The following RNF187 variants were observed in gnomAD, a reference collection of about 807,000 sequenced individuals.
The protein encoded by RNF187 is E3 ubiquitin-protein ligase RNF187.
RNF187 carries 18 observed loss-of-function variants against 22.2 expected under a neutral mutation model. That is an observed-to-expected ratio of 0.81 (90% CI 0.56 to 1.20). The LOEUF is 1.20. Ranked by LOEUF, RNF187 falls within the 50% of genes most tolerant of loss-of-function variation. The pLI is 0.00. For missense variants in RNF187, 329 were observed against 317.6 expected (o/e 1.04, Z -0.27); for synonymous variants, 164 against 140.9 (o/e 1.16, Z -1.16).
At chr1:228,489,247 C>T in intron 2 of RNF187, among the ~76,000 whole-genome samples, 195 bp downstream of exon 2, 1 of 152,158 alleles carries the variant, frequency 6.6e-6, no homozygotes, top group African/African-American at 2.4e-5. Flanking sequence ...TAGAATCTAG[C>T]CAAAGCCAGT....
In RNF187 at chr1:228,495,810, G is replaced by A; in HGVS notation, c.*1925G>A. On this transcript the variant is annotated 3_prime_UTR_variant, in exon 4 of 4. Transcript: ENST00000305943. The stretch of plus-strand genomic sequence containing the variant: ...GTACATTGTGGAGTGACAGATTAAT[G>A]TATCCATCTCATGTTTTTTTTGGTG... The A allele has an allele frequency of 2.2e-6, 2 of 909,024 alleles. No homozygotes were observed. The highest frequency in any genetic ancestry group is 2.6e-6 in the Non-Finnish European group (2 of 760,698). 56.3% of individuals were successfully genotyped at this position (909,024 alleles called of 1,614,324 possible).
Position 228,493,093 on chromosome 1 carries a change from A to G in RNF187, c.524A>G (p.Tyr175Cys), listed in dbSNP as rs774781273. 6.4e-7 allele frequency: 1 copy of G among 1,551,616 alleles called. No individual in the cohort carries two copies. The highest frequency in any genetic ancestry group is 1.2e-5 in the South Asian group (1 of 84,058). ...CGTAGGAAGAAGGCACTGACCGACT[A>G]CAAGAAGCTGCGGGCCTTCTTTGTG... The change falls in exon 3 of 4, where the codon TAC (tyrosine) becomes TGC (cysteine). Residue 175 changes from tyrosine (Y) to cysteine (C), a missense_variant. Transcript: ENST00000305943. This position sits in a 1 kb window ranked among gnomAD's most constrained non-coding sequence, Gnocchi z 4.7.
chr1:228,488,872 G>T, intron 1 of RNF187, 88 bp from the exon 2 acceptor site: 2 of 1,041,092 alleles, frequency 1.9e-6, no homozygotes, highest in Non-Finnish European at 1.4e-6. Context: ...ACTGTGTGCA[G>T]TCAGCTGGGG....
chr1:228,494,809 CAGT>C lies in RNF187; in HGVS notation c.*925_*927del. On this transcript the variant is annotated 3_prime_UTR_variant, in exon 4 of 4. Coordinates refer to ENST00000305943, the MANE Select transcript of RNF187 (RefSeq NM_001010858.3). ...GCAAAGTCGGGGACATAGATGCAGACAGTTGTTGAGATTTGGGGATAGCCGGGC... is the reference window on the plus strand; with the variant it reads ...GCAAAGTCGGGGACATAGATGCAGACTGTTGAGATTTGGGGATAGCCGGGC... 1.0e-6 allele frequency: 1 copy of C among 985,466 alleles called. No individual in the cohort carries two copies. The highest frequency in any genetic ancestry group is 4.7e-5 in the South Asian group (1 of 21,290). The allele number at this position is 985,466 out of a possible 1,614,324, so 61.0% of individuals were successfully genotyped here. A position where few individuals can be genotyped will look rare whatever the true frequency, so the allele number is the denominator to read the frequency against.
chr1:228,495,091 G>C lies in RNF187; in HGVS notation c.*1206G>C. Reference sequence around the variant, plus strand: ...AGCATGGTGAGGAGGACTTTGATTGGGACCATTGAGATGGGTGTGGGACCC... The same window carrying C: ...AGCATGGTGAGGAGGACTTTGATTGCGACCATTGAGATGGGTGTGGGACCC... On this transcript the variant is annotated 3_prime_UTR_variant, in exon 4 of 4. Coordinates refer to ENST00000305943, the MANE Select transcript of RNF187 (RefSeq NM_001010858.3). The C allele has an allele frequency of 2.1e-6, 2 of 945,046 alleles. No individual in the cohort carries two copies. The highest frequency in any genetic ancestry group is 2.5e-6 in the Non-Finnish European group (2 of 793,094). 58.5% of individuals were successfully genotyped at this position (945,046 alleles called of 1,614,324 possible).
chr1:228,494,326 A>G lies in RNF187; in HGVS notation c.*441A>G. 9.3e-7 allele frequency: 1 copy of G among 1,075,246 alleles called. No homozygotes were observed. The highest frequency in any genetic ancestry group is 1.1e-6 in the Non-Finnish European group (1 of 881,854). The allele number at this position is 1,075,246 out of a possible 1,614,324, so 66.6% of individuals were successfully genotyped here. On this transcript the variant is annotated 3_prime_UTR_variant, in exon 4 of 4. Transcript: ENST00000305943. ...TTGGGGTTAGCATCCAGAAAGAAGA[A>G]TGCGCATGACGCTCTGTGAAGGCTG...
At position 228,487,870 on chromosome 1, in the gene RNF187, C is replaced by T; in HGVS notation, c.382C>T (p.Arg128Cys). ...GGAACCGCGCTGGAGGAAGGCGCTG[C>T]GCGGCAAGGTGCGCGCCGCGGGGTC... is the stretch of plus-strand genomic sequence containing the variant. The change falls in exon 1 of 4, where the codon CGC becomes TGC. Residue 128 changes from arginine (R) to cysteine (C), a missense_variant. Arg to Cys is a radical substitution (Grantham distance 180, BLOSUM62 -3). Transcript: ENST00000305943. The T allele has an allele frequency of 3.3e-6, 4 of 1,222,264 alleles. No individual in the cohort carries two copies. The highest frequency in any genetic ancestry group is 3.1e-6 in the Non-Finnish European group (3 of 977,356). The allele number at this position is 1,222,264 out of a possible 1,614,324, so 75.7% of individuals were successfully genotyped here. A position where few individuals can be genotyped will look rare whatever the true frequency, so the allele number is the denominator to read the frequency against.
chr1:228,496,006 C>T lies in RNF187; in HGVS notation c.*2121C>T. 1.3e-5 allele frequency among the ~76,000 whole-genome samples: 2 copies of T among 152,306 alleles called. No individual in the cohort carries two copies. Among genetic ancestry groups the T allele is most frequent in the Admixed American group, 6.5e-5 (1 of 15,298 alleles). On this transcript the variant is annotated 3_prime_UTR_variant, in exon 4 of 4. Transcript: ENST00000305943. ...TGTGGGACAGTCAGATACAGAGGGC[C>T]AACTGCGTACAGTACACGGTTATCA...
chr1:228,489,886 AT>A, intron 2 of RNF187, among the ~76,000 whole-genome samples: 71 of 152,196 alleles, frequency 4.7e-4, no homozygotes, highest in Non-Finnish European at 7.9e-4. Flanking sequence ...GGATTTCAGC[AT>A]GGGGATTTGG....
In RNF187 at chr1:228,493,287, C is replaced by T; in HGVS notation, c.705+13C>T. ...CATGCTGCTGCAGGTGCGGGAGCCC[C>T]GCTGGGTCTGCCCACCATCGGGCCA... is the stretch of plus-strand genomic sequence containing the variant. On this transcript the variant is annotated intron_variant, in intron 3 of 3. Transcript: ENST00000305943. The surrounding 1 kb of genome is among the most constrained non-coding windows in gnomAD (Gnocchi z 4.7). 0.098 allele frequency: 151,916 copies of T among 1,546,600 alleles called. 7,837 individuals are homozygous for T. The highest frequency in any genetic ancestry group is 0.11 in the Non-Finnish European group (124,636 of 1,145,026).
At chr1:228,488,767 C>T in intron 1 of RNF187, among the ~76,000 whole-genome samples, 193 bp from the exon 2 acceptor site, 15 of 152,240 alleles carry the variant, frequency 9.9e-5, no homozygotes, top group Non-Finnish European at 1.6e-4. Context: ...CACCCAGATC[C>T]TTCTGAATAG....
chr1:228,495,784 T>G lies in RNF187; in HGVS notation c.*1899T>G. 2 of 967,286 alleles carry G rather than the reference T, an allele frequency of 2.1e-6. No homozygotes were observed. The highest frequency in any genetic ancestry group is 3.5e-5 in the African/African-American group (2 of 56,820). The allele number at this position is 967,286 out of a possible 1,614,324, so 59.9% of individuals were successfully genotyped here. Reference sequence around the variant, plus strand: ...GCACAGTGTGATGTTTTGATATCTATGTACATTGTGGAGTGACAGATTAAT... The same window carrying G: ...GCACAGTGTGATGTTTTGATATCTAGGTACATTGTGGAGTGACAGATTAAT... On this transcript the variant is annotated 3_prime_UTR_variant, in exon 4 of 4. Transcript: ENST00000305943.
chr1:228,488,833 G>A, intron 1 of RNF187, 127 bp from the exon 2 acceptor site: 1 of 714,646 alleles, frequency 1.4e-6, no homozygotes, highest in East Asian at 2.7e-5. Flanking sequence ...TAGACAACCG[G>A]GCTTCGAGGT....
In RNF187 at chr1:228,487,403, C is replaced by G. The variant is rs1237959384; in HGVS notation, c.-86C>G. On this transcript the variant is annotated 5_prime_UTR_variant, in exon 1 of 4. Coordinates refer to ENST00000305943, the MANE Select transcript of RNF187 (RefSeq NM_001010858.3). ...CGGCGTTGGCGTCTTCGTCCTGTTGCTGGTCTCCGTCCGGTCGCCGGCCGT... is the reference window on the plus strand; with the variant it reads ...CGGCGTTGGCGTCTTCGTCCTGTTGGTGGTCTCCGTCCGGTCGCCGGCCGT... The G allele has an allele frequency of 6.6e-6, 7 of 1,057,510 alleles. No individual in the cohort carries two copies. The East Asian group carries it at 2.2e-4, about 33-fold the overall frequency. 65.5% of individuals were successfully genotyped at this position (1,057,510 alleles called of 1,614,324 possible).
Position 228,493,815 on chromosome 1 carries a change from C to T in RNF187, c.706-68C>T. ...TCTCTTTCGCTCTCTCCTTTTGCCT[C>T]TGTCTCTGACTCTGTGTGTCTCTTT... On this transcript the variant is annotated intron_variant, in intron 3 of 3. Transcript: ENST00000305943. This position sits in a 1 kb window ranked among gnomAD's most constrained non-coding sequence, Gnocchi z 4.7. The T allele has an allele frequency of 6.6e-7, 1 of 1,510,116 alleles. No homozygotes were observed. Among genetic ancestry groups the T allele is most frequent in the Non-Finnish European group, 9.0e-7 (1 of 1,109,288 alleles). The allele number at this position is 1,510,116 out of a possible 1,614,324, so 93.5% of individuals were successfully genotyped here.
At position 228,494,639 on chromosome 1, in the gene RNF187, C is replaced by G; in HGVS notation, c.*754C>G. 3.0e-6 allele frequency: 3 copies of G among 985,534 alleles called. No homozygotes were observed. The highest frequency in any genetic ancestry group is 3.6e-6 in the Non-Finnish European group (3 of 830,122). The allele number at this position is 985,534 out of a possible 1,614,324, so 61.0% of individuals were successfully genotyped here. A position where few individuals can be genotyped will look rare whatever the true frequency, so the allele number is the denominator to read the frequency against. On this transcript the variant is annotated 3_prime_UTR_variant, in exon 4 of 4. Coordinates refer to ENST00000305943, the MANE Select transcript of RNF187 (RefSeq NM_001010858.3). ...TCCAGGCCCTGCCATCGTGTCTCAT[C>G]TTGCTGTTATCTCTAGCTCTTTCCC...
chr1:228,494,596 C>T lies in RNF187; in HGVS notation c.*711C>T. ...CCTGGGTGAGGGGGCTGGCAGGTGG[C>T]TAACCCCATTTAGCATCTCCAGGCC... On this transcript the variant is annotated 3_prime_UTR_variant, in exon 4 of 4. Transcript: ENST00000305943. 1.0e-6 allele frequency: 1 copy of T among 985,930 alleles called. No individual in the cohort carries two copies. Among genetic ancestry groups the T allele is most frequent in the Non-Finnish European group, 1.2e-6 (1 of 830,314 alleles). 61.1% of individuals were successfully genotyped at this position (985,930 alleles called of 1,614,324 possible).
chr1:228,494,041 T>C lies in RNF187; in HGVS notation c.*156T>C. 6 of 1,534,948 alleles carry C rather than the reference T, an allele frequency of 3.9e-6. No individual in the cohort carries two copies. The highest frequency in any genetic ancestry group is 5.3e-6 in the Non-Finnish European group (6 of 1,139,626). ...GTGTTTCAACAATGTCCATTTATCC[T>C]TCACCCCGAGGCGTGTTTTGGGGGC... On this transcript the variant is annotated 3_prime_UTR_variant, in exon 4 of 4. Coordinates refer to ENST00000305943, the MANE Select transcript of RNF187 (RefSeq NM_001010858.3).
Position 228,495,603 on chromosome 1 carries a change from A to G in RNF187, c.*1718A>G. The G allele has an allele frequency of 2.4e-3, 2,342 of 985,462 alleles. 53 individuals are homozygous for G. In the African/African-American group the frequency reaches 0.038, roughly 16 times the overall value. 61.0% of individuals were successfully genotyped at this position (985,462 alleles called of 1,614,324 possible). A position where few individuals can be genotyped will look rare whatever the true frequency, so the allele number is the denominator to read the frequency against. Reference sequence around the variant, plus strand: ...CTGCACACCTGTGATGCTTGCCCGGACAGGTCCTGATGGCAGAGTCTCCCA... The same window carrying G: ...CTGCACACCTGTGATGCTTGCCCGGGCAGGTCCTGATGGCAGAGTCTCCCA... On this transcript the variant is annotated 3_prime_UTR_variant, in exon 4 of 4. Transcript: ENST00000305943.
Sources: allele counts gnomAD v4.1 joint callset (sites outside exome capture counted in the v4.1 genomes callset), GRCh38; gene constraint gnomAD v4.1.1; non-coding constraint Gnocchi (gnomAD v3.1); transcripts MANE v1.5; gene names NCBI Gene and HGNC (gene_info 2026-07-23, HGNC 2026-07-21).